Variants in KBTBD4 observed in about 807,000 individuals in gnomAD.
The protein encoded by KBTBD4 is kelch repeat and BTB domain containing 4, also known as kelch repeat and BTB domain-containing protein 4.
KBTBD4 carries 30 observed loss-of-function variants against 43.9 expected under a neutral mutation model. That is an observed-to-expected ratio of 0.68 (90% CI 0.51 to 0.93). The LOEUF (loss-of-function observed/expected upper bound fraction) is 0.93, where lower values mean the gene tolerates loss of function less well. Among genes scored for constraint, KBTBD4 ranks in the 40% least tolerant of loss-of-function variants. The probability of loss-of-function intolerance (pLI) is 0.00; values close to 1 mark genes in which losing one functional copy is unlikely to be tolerated. For missense variants in KBTBD4, 575 were observed against 668.8 expected, an observed-to-expected ratio of 0.86 and a Z score of 1.55; for synonymous variants, 258 against 256.9, an observed-to-expected ratio of 1.00 and a Z score of -0.04.
In KBTBD4 at chr11:47,578,319, G is replaced by A. The variant is rs988611720; in HGVS notation, c.20-291C>T. 1.1e-4 allele frequency: 66 copies of A among 577,616 alleles called. No homozygotes were observed. In the Middle Eastern group the frequency reaches 3.6e-3, roughly 32 times the overall value. The allele number at this position is 577,616 out of a possible 1,614,324, so 35.8% of individuals were successfully genotyped here. ...TCCATAATGTTAACAAAAGACTTGG[G>A]ATTTAGGTCAATATATGAAAGCAAA... On this transcript the variant is annotated intron_variant, in intron 1 of 3. Transcript: ENST00000430070.
chr11:47,578,699 G>A (rs1350985262), intron 1 of KBTBD4: 10 of 1,248,344 alleles, frequency 8.0e-6, no homozygotes, highest in Non-Finnish European at 1.1e-5. Flanking sequence ...AGTCGTCTTG[G>A]AAACGGTCGC....
chr11:47,577,357 AC>A, intron 2 of KBTBD4, 53 bp downstream of exon 2: 1 of 1,514,136 alleles, frequency 6.6e-7, no homozygotes. Context: ...TAGAACATTC[AC>A]TGAACATCAT....
chr11:47,576,971 C>T (rs1458721063), intron 2 of KBTBD4, among the ~76,000 whole-genome samples: 1 of 152,208 alleles, frequency 6.6e-6, no homozygotes, highest in East Asian at 1.9e-4. Context: ...GCCACCATGC[C>T]TGGCCAACCT....
At position 47,577,871 on chromosome 11, in the gene KBTBD4, G is replaced by A. The variant is rs925757747; in HGVS notation, c.177C>T (p.Leu59=). The part of the protein sequence containing the change: ...GIMKLCLEEE[L]FADVTISVEG... ...CCACCGAAATGGTGACATCAGCAAAGAGCTCCTCCTCTAGACACAGTTTCA... is the reference window on the plus strand; with the variant it reads ...CCACCGAAATGGTGACATCAGCAAAAAGCTCCTCCTCTAGACACAGTTTCA... Residue 59 remains leucine, a synonymous_variant, in exon 2 of 4, where the codon CTC becomes CTT. Transcript: ENST00000430070. 6 of 1,614,212 alleles carry A rather than the reference G, an allele frequency of 3.7e-6. No individual in the cohort carries two copies. Among genetic ancestry groups the A allele is most frequent in the Non-Finnish European group, 5.1e-6 (6 of 1,180,048 alleles).
chr11:47,574,883 A>G lies in KBTBD4; in HGVS notation c.744+710T>C, dbSNP rs372087979. Among the ~76,000 whole-genome samples, 8 of 3,964 alleles carry G rather than the reference A, an allele frequency of 2.0e-3. 1 individual carries two copies. Among genetic ancestry groups the G allele is most frequent in the South Asian group, 0.045 (1 of 22 alleles). 2.6% of individuals were successfully genotyped at this position (3,964 alleles called of 152,430 possible). A position where few individuals can be genotyped will look rare whatever the true frequency, so the allele number is the denominator to read the frequency against. ...CTCTCTAGCCTGGGCAACAAGAGCG[A>G]AACTCCCATCTCTCTCTCTCACACA... On this transcript the variant is annotated intron_variant, in intron 3 of 3. Transcript: ENST00000430070.
At chr11:47,576,986 C>A (rs1413872896) in intron 2 of KBTBD4, among the ~76,000 whole-genome samples, 1 of 152,116 alleles carries the variant, frequency 6.6e-6, no homozygotes, top group Non-Finnish European at 1.5e-5. Flanking sequence ...CAACCTCACA[C>A]CTTAAGTATG....
chr11:47,573,735 T>A lies in KBTBD4; in HGVS notation c.800A>T (p.His267Leu). Residue 267 changes from histidine to leucine, a missense_variant, in exon 4 of 4, where the codon CAC becomes CTC. By Grantham distance (99) the His-to-Leu change is moderately conservative (BLOSUM62 -3). Coordinates refer to ENST00000430070, the MANE Select transcript of KBTBD4 (RefSeq NM_018095.6). The surrounding 1 kb of genome is among the most constrained non-coding windows in gnomAD (Gnocchi z 4.1). ...YLIGKESSRT[H>L]SLAVSLHCAE... Reference sequence around the variant, plus strand: ...ACAGTGCAAGGACACAGCCAACGAGTGGGTACGAGATGACTCTTTCCCAAT... The same window carrying A: ...ACAGTGCAAGGACACAGCCAACGAGAGGGTACGAGATGACTCTTTCCCAAT... 1 of 1,594,456 alleles carries A rather than the reference T, an allele frequency of 6.3e-7. No homozygotes were observed.
intron 1 of KBTBD4, chr11:47,578,698 G>T: frequency 2.4e-6 from 3 of 1,233,430 alleles, no homozygotes; most frequent in Non-Finnish European, 3.4e-6. Flanking sequence ...GAGTCGTCTT[G>T]GAAACGGTCG....
chr11:47,578,843 G>A, intron 1 of KBTBD4, 90 bp downstream of exon 1: 1 of 1,543,958 alleles, frequency 6.5e-7, no homozygotes, highest in Non-Finnish European at 8.7e-7. Flanking sequence ...TGGTTCTTCA[G>A]CGTCCTCGCC....
At position 47,572,663 on chromosome 11, in the gene KBTBD4, C is replaced by G. The variant is rs2097251251; in HGVS notation, c.*267G>C. Reference sequence around the variant, plus strand: ...GCTGTGCCTAAGGTCTGAGAAAAGGCTTGCTCTAAGCAAGCTGTGGTGAGG... The same window carrying G: ...GCTGTGCCTAAGGTCTGAGAAAAGGGTTGCTCTAAGCAAGCTGTGGTGAGG... On this transcript the variant is annotated 3_prime_UTR_variant, in exon 4 of 4. Transcript: ENST00000430070. 7 of 493,404 alleles carry G rather than the reference C, an allele frequency of 1.4e-5. No homozygotes were observed. The South Asian group carries it at 2.1e-4, about 15-fold the overall frequency. 30.6% of individuals were successfully genotyped at this position (493,404 alleles called of 1,614,324 possible). A position where few individuals can be genotyped will look rare whatever the true frequency, so the allele number is the denominator to read the frequency against.
rs1178811568 is a variant in KBTBD4, at chr11:47,573,918, G to A, written c.745-128C>T. 4 of 845,082 alleles carry A rather than the reference G, an allele frequency of 4.7e-6. No homozygotes were observed. Among genetic ancestry groups the A allele is most frequent in the Non-Finnish European group, 1.8e-6 (1 of 549,490 alleles). 52.3% of individuals were successfully genotyped at this position (845,082 alleles called of 1,614,324 possible). On this transcript the variant is annotated intron_variant, in intron 3 of 3. Coordinates refer to ENST00000430070, the MANE Select transcript of KBTBD4 (RefSeq NM_018095.6). The surrounding 1 kb of genome is among the most constrained non-coding windows in gnomAD (Gnocchi z 4.1). ...TTTATCATACTACTCTCTAATTACT[G>A]TATGGCATCCAACTCTCCTCTAGTC...
chr11:47,573,184 C>T lies in KBTBD4; in HGVS notation c.1351G>A (p.Val451Met), dbSNP rs1292459357. 5.6e-6 allele frequency: 9 copies of T among 1,614,076 alleles called. No homozygotes were observed. Among genetic ancestry groups the T allele is most frequent in the South Asian group, 1.1e-5 (1 of 91,090 alleles). Residue 451 changes from valine to methionine, a missense_variant, in exon 4 of 4, where the codon GTG becomes ATG. Transcript: ENST00000430070. This position sits in a 1 kb window ranked among gnomAD's most constrained non-coding sequence, Gnocchi z 4.1. The part of the protein sequence containing the change: ...AAVHKDLVFI[V>M]AEGDSLVCYN... ...CACACCAGGGAGTCCCCTTCAGCCA[C>T]GATGAACACCAGATCTTTATGCACA...
intron 1 of KBTBD4, chr11:47,578,432 G>A (rs992648726): frequency 1.6e-5 from 9 of 567,664 alleles, no homozygotes; most frequent in Non-Finnish European, 2.8e-5. Flanking sequence ...AGTAGAATCA[G>A]ACAAAAAGGA....
intron 1 of KBTBD4, 136 bp downstream of exon 1, chr11:47,578,797 C>A: frequency 6.5e-7 from 1 of 1,537,196 alleles, no homozygotes; most frequent in Non-Finnish European, 8.8e-7. Context: ...AGCGTAGAAC[C>A]CAAAACGCCC....
In KBTBD4 at chr11:47,572,845, A is replaced by G. The variant is rs2097251668; in HGVS notation, c.*85T>C. On this transcript the variant is annotated 3_prime_UTR_variant, in exon 4 of 4. Transcript: ENST00000430070. The stretch of plus-strand genomic sequence containing the variant: ...CTTTCTAGTATGTGCCAAAAAAAAC[A>G]TAACTCTGAATTGGGGCCCAGGGGA... 7.6e-6 allele frequency: 11 copies of G among 1,443,498 alleles called. No homozygotes were observed. Among genetic ancestry groups the G allele is most frequent in the Non-Finnish European group, 1.0e-5 (11 of 1,066,152 alleles). The allele number at this position is 1,443,498 out of a possible 1,614,324, so 89.4% of individuals were successfully genotyped here.
Position 47,578,047 on chromosome 11 carries a change from T to C in KBTBD4, c.20-19A>G, listed in dbSNP as rs1327551078. 1 of 1,613,060 alleles carries C rather than the reference T, an allele frequency of 6.2e-7. No individual in the cohort carries two copies. Among genetic ancestry groups the C allele is most frequent in the East Asian group, 2.2e-5 (1 of 44,886 alleles). ...CAGCTGTCTGCAAAGCAACACCATC[T>C]TGAGTAACCTGAGGAATTCACAGCC... On this transcript the variant is annotated intron_variant, in intron 1 of 3. Transcript: ENST00000430070.
At chr11:47,575,832 C>A in intron 2 of KBTBD4, 133 bp from the exon 3 acceptor site, 50 of 454,070 alleles carry the variant, frequency 1.1e-4, no homozygotes, top group Admixed American at 1.7e-4. Context: ...CATACATACA[C>A]ATATACATGA....
At chr11:47,578,875 A>G (rs2097265583) in intron 1 of KBTBD4, 58 bp downstream of exon 1, 5 of 1,551,098 alleles carry the variant, frequency 3.2e-6, no homozygotes, top group Non-Finnish European at 4.4e-6. Flanking sequence ...CTCTGCCACA[A>G]GGAGCTAGGA....
In KBTBD4 at chr11:47,577,488, T is replaced by C. The variant is rs772365326; in HGVS notation, c.560A>G (p.Lys187Arg). ...ATTCTGCAGCTGGGCCAGGTGGGTC[T>C]TGGCACAGTGCTTGGCAGCCGTATA... ...ELYTAAKHCA[K>R]THLAQLQNTE... The change falls in exon 2 of 4, where the codon AAG becomes AGG. Residue 187 changes from lysine to arginine, a missense_variant. Lys to Arg is a conservative substitution (Grantham distance 26). Transcript: ENST00000430070. 1.2e-6 allele frequency: 2 copies of C among 1,614,146 alleles called. No homozygotes were observed. Among genetic ancestry groups the C allele is most frequent in the Middle Eastern group, 1.6e-4 (1 of 6,062 alleles).
Sources: allele counts gnomAD v4.1 joint callset (sites outside exome capture counted in the v4.1 genomes callset), GRCh38; gene constraint gnomAD v4.1.1; non-coding constraint Gnocchi (gnomAD v3.1); transcripts MANE v1.5; gene names NCBI Gene and HGNC (gene_info 2026-07-23, HGNC 2026-07-21).